The following WDPCP variants were observed in gnomAD, a reference collection of about 807,000 sequenced individuals.
The protein encoded by WDPCP is WD repeat containing planar cell polarity effector, also known as WD repeat-containing and planar cell polarity effector protein fritz homolog.
In WDPCP, 71 loss-of-function variants were observed where a neutral mutation model predicts 93.1. That is an observed-to-expected ratio of 0.76 (90% CI 0.63 to 0.93). The LOEUF (loss-of-function observed/expected upper bound fraction) is 0.93. WDPCP is among the 40% of genes least tolerant of loss of function. The pLI is 0.00. For missense variants in WDPCP, 844 were observed against 887.4 expected, an observed-to-expected ratio of 0.95 and a Z score of 0.62; for synonymous variants, 315 against 315.0, an observed-to-expected ratio of 1.00 and a Z score of 0.00.
chr2:63,281,378 G>C (rs1287065453), intron 13 of WDPCP, among the ~76,000 whole-genome samples: 1 of 152,148 alleles, frequency 6.6e-6, no homozygotes, highest in Non-Finnish European at 1.5e-5. Context: ...TACACTGTTG[G>C]TGGGAATGTA....
chr2:63,245,568 T>C (rs189315232), intron 14 of WDPCP, among the ~76,000 whole-genome samples: 1 of 152,166 alleles, frequency 6.6e-6, no homozygotes, highest in African/African-American at 2.4e-5. Context: ...AGAAAAACAA[T>C]GCATGCCATA....
At chr2:63,822,312 A>T (rs1363035698) in intron 1 of WDPCP, among the ~76,000 whole-genome samples, 1 of 152,106 alleles carries the variant, frequency 6.6e-6, no homozygotes, top group Non-Finnish European at 1.5e-5. Flanking sequence ...CACTCTCTGT[A>T]CTGTTGACAC....
chr2:63,286,385 C>A (rs1392398683), intron 13 of WDPCP, among the ~76,000 whole-genome samples: 1 of 152,104 alleles, frequency 6.6e-6, no homozygotes, highest in Admixed American at 6.6e-5. Flanking sequence ...TTGTAATCTC[C>A]CCCACCCTTA....
chr2:63,747,508 T>A (rs1425949074), intron 2 of WDPCP, among the ~76,000 whole-genome samples: 1 of 152,092 alleles, frequency 6.6e-6, no homozygotes, highest in African/African-American at 2.4e-5. Context: ...CATATGGATA[T>A]CTTTATCCAG....
chr2:63,243,736 T>C (rs935857308), intron 14 of WDPCP, among the ~76,000 whole-genome samples: 1 of 152,190 alleles, frequency 6.6e-6, no homozygotes, highest in South Asian at 2.1e-4. Context: ...ATGAAAAGAC[T>C]AAGACAGCTG....
At chr2:63,133,730 T>C (rs6723846) in intron 17 of WDPCP, among the ~76,000 whole-genome samples, 95,496 of 151,962 alleles carry the variant, frequency 0.63, 30,286 homozygotes, top group East Asian at 0.69. Flanking sequence ...TCAACTAAAC[T>C]TCTTTCCTTT....
chr2:63,189,955 G>T (rs562230944), intron 14 of WDPCP, among the ~76,000 whole-genome samples: 1 of 152,226 alleles, frequency 6.6e-6, no homozygotes, highest in East Asian at 1.9e-4. Context: ...GTGAAAATTA[G>T]GTTTCATTGT....
chr2:63,693,175 A>G (rs1205128728), intron 2 of WDPCP, among the ~76,000 whole-genome samples: 1 of 152,212 alleles, frequency 6.6e-6, no homozygotes, highest in African/African-American at 2.4e-5. Context: ...TGGAGAATAC[A>G]GCGCTCTCCT....
At position 63,124,094 on chromosome 2, in the gene WDPCP, GT is replaced by G. The variant is rs371994534; in HGVS notation, c.2191-2039del. Among the ~76,000 whole-genome samples the G allele has an allele frequency of 9.9e-3, 1,338 of 134,898 alleles. 9 individuals are homozygous for G. Among genetic ancestry groups the G allele is most frequent in the African/African-American group, 0.028 (1,028 of 37,076 alleles). 88.5% of individuals were successfully genotyped at this position (134,898 alleles called of 152,430 possible). A position where few individuals can be genotyped will look rare whatever the true frequency, so the allele number is the denominator to read the frequency against. ...TAACCCTATGATAGATAGGCATGAA[GT>G]TTTTTTTTTTTTTTCTGTTTGTAGG... On this transcript the variant is annotated intron_variant, in intron 17 of 17. Transcript: ENST00000272321.
intron 1 of WDPCP, among the ~76,000 whole-genome samples, chr2:63,573,235 C>T (rs980678467): frequency 6.7e-6 from 1 of 149,860 alleles, no homozygotes; most frequent in African/African-American, 2.5e-5. Flanking sequence ...AGAGCAAGAC[C>T]TGCCTCAAAA....
At chr2:63,315,786 C>A (rs573406271) in intron 12 of WDPCP, among the ~76,000 whole-genome samples, 19 of 151,328 alleles carry the variant, frequency 1.3e-4, no homozygotes, top group Non-Finnish European at 2.7e-4. Context: ...TGGACTGGGT[C>A]TTGCTCTGTT....
intron 1 of WDPCP, among the ~76,000 whole-genome samples, chr2:63,505,606 T>A (rs1358110762): frequency 6.6e-6 from 1 of 152,042 alleles, no homozygotes; most frequent in Non-Finnish European, 1.5e-5. Flanking sequence ...GAAGAGTAAA[T>A]GGAAAAACAT....
intron 2 of WDPCP, among the ~76,000 whole-genome samples, chr2:63,671,672 C>T (rs1478915085): frequency 1.3e-5 from 2 of 152,070 alleles, no homozygotes; most frequent in East Asian, 3.9e-4. Flanking sequence ...TTCAGCCTCC[C>T]TAGTAGCTGG....
chr2:63,245,193 A>G (rs1486750522), intron 14 of WDPCP, among the ~76,000 whole-genome samples: 10 of 152,184 alleles, frequency 6.6e-5, no homozygotes, highest in Non-Finnish European at 1.3e-4. Flanking sequence ...ACAAAGGTTA[A>G]TAAAATGGCA....
chr2:63,598,798 A>C (rs1351572844), intron 3 of WDPCP, among the ~76,000 whole-genome samples: 12 of 150,630 alleles, frequency 8.0e-5, no homozygotes, highest in African/African-American at 2.7e-4. Context: ...CAGTAATTCC[A>C]CTTCTTCAAA....
Position 63,169,439 on chromosome 2 carries a change from C to T in WDPCP, c.2078+5231G>A, listed in dbSNP as rs530139661. ...AAGTTTGATACTTGTTTGAAAAGTT[C>T]GATACTTTTTTCCTGAAAGTGCACT... On this transcript the variant is annotated intron_variant, in intron 15 of 17. Transcript: ENST00000272321. 1.9e-4 allele frequency among the ~76,000 whole-genome samples: 29 copies of T among 152,096 alleles called. 1 individual carries two copies. The highest frequency in any genetic ancestry group is 1.2e-3 in the Admixed American group (19 of 15,266).
chr2:63,786,399 A>G lies in WDPCP; in HGVS notation n.308+27223T>C, dbSNP rs1208648363. Among the ~76,000 whole-genome samples the G allele has an allele frequency of 4.6e-5, 7 of 152,280 alleles. No individual in the cohort carries two copies. The South Asian group carries it at 1.2e-3, about 27-fold the overall frequency. ...AAAAGTCCCATTATGGAATGTCTTTAGGAGAATGGCTCTATGCAGTTTGGA... is the reference window on the plus strand; with the variant it reads ...AAAAGTCCCATTATGGAATGTCTTTGGGAGAATGGCTCTATGCAGTTTGGA... On this transcript the variant is annotated intron_variant and non_coding_transcript_variant, in intron 2 of 4. Coordinates refer to the WDPCP transcript ENST00000467687.
At chr2:63,752,208 TG>T (rs1366226997) in intron 2 of WDPCP, 3 of 668,810 alleles carry the variant, frequency 4.5e-6, no homozygotes, top group Admixed American at 4.3e-5. Context: ...TTTTTTTTTT[TG>T]CCACTGCCTC....
At chr2:63,762,631 G>C (rs1456742009) in intron 2 of WDPCP, among the ~76,000 whole-genome samples, 1 of 152,156 alleles carries the variant, frequency 6.6e-6, no homozygotes, top group Non-Finnish European at 1.5e-5. Context: ...CTCTCTGAAG[G>C]GTCCCGAAGG....
Sources: allele counts gnomAD v4.1 joint callset (sites outside exome capture counted in the v4.1 genomes callset), GRCh38; gene constraint gnomAD v4.1.1; transcripts MANE v1.5; gene names NCBI Gene and HGNC (gene_info 2026-07-23, HGNC 2026-07-21).